Variants in MYO3B observed in about 807,000 individuals in gnomAD.
MYO3B encodes myosin IIIB, also known as myosin-IIIb.
Under a neutral mutation model 174.6 loss-of-function variants are expected in MYO3B, and 156 were observed. The ratio of observed to expected loss-of-function variants is 0.89; its 90% confidence interval spans 0.78 to 1.02. The LOEUF (loss-of-function observed/expected upper bound fraction) is 1.02, where lower values mean the gene tolerates loss of function less well. MYO3B is among the 50% of genes least tolerant of loss of function. The pLI, the probability that MYO3B is intolerant of heterozygous loss-of-function variation, is 0.00. For missense variants in MYO3B, 1,632 were observed against 1,639.4 expected, an observed-to-expected ratio of 1.00 and a Z score of 0.08; for synonymous variants, 563 against 569.1, an observed-to-expected ratio of 0.99 and a Z score of 0.15.
At chr2:170,479,901 CAT>C (rs1021449532) in intron 25 of MYO3B, among the ~76,000 whole-genome samples, 8 of 147,788 alleles carry the variant, frequency 5.4e-5, no homozygotes, top group African/African-American at 1.2e-4. Context: ...ATAGGTTTAA[CAT>C]ATTTTATAGG....
At chr2:170,341,710 C>T (rs1164337431) in intron 8 of MYO3B, among the ~76,000 whole-genome samples, 1 of 152,114 alleles carries the variant, frequency 6.6e-6, no homozygotes, top group African/African-American at 2.4e-5. Context: ...GATCAATATA[C>T]TTATAAATGC....
intron 32 of MYO3B, among the ~76,000 whole-genome samples, chr2:170,580,863 C>A (rs1266651751): frequency 6.6e-6 from 1 of 151,972 alleles, no homozygotes; most frequent in Non-Finnish European, 1.5e-5. Flanking sequence ...CAATATTTAT[C>A]ACGTTGATAC....
intron 32 of MYO3B, among the ~76,000 whole-genome samples, chr2:170,565,038 A>G (rs142763739): frequency 6.6e-6 from 1 of 152,334 alleles, no homozygotes; most frequent in African/African-American, 2.4e-5. Flanking sequence ...AGAAATTGAC[A>G]AAGAATTTTA....
intron 32 of MYO3B, among the ~76,000 whole-genome samples, chr2:170,628,582 A>G (rs1005421228): frequency 6.6e-6 from 1 of 152,142 alleles, no homozygotes; most frequent in Admixed American, 6.5e-5. Flanking sequence ...TGAACCCGGT[A>G]CCTCAGTTGG....
chr2:170,351,394 G>A (rs540619918), intron 8 of MYO3B, among the ~76,000 whole-genome samples: 1 of 152,126 alleles, frequency 6.6e-6, no homozygotes, highest in East Asian at 1.9e-4. Context: ...CATCGTCTGG[G>A]GTGATGCTGA....
At chr2:170,422,827 G>C (rs2094627366) in intron 22 of MYO3B, among the ~76,000 whole-genome samples, 1 of 151,858 alleles carries the variant, frequency 6.6e-6, no homozygotes, top group South Asian at 2.1e-4. Flanking sequence ...TTCAATAATA[G>C]ATCTTCATAT....
intron 6 of MYO3B, among the ~76,000 whole-genome samples, chr2:170,219,650 A>G (rs1257778117): frequency 2.0e-5 from 3 of 152,086 alleles, no homozygotes; most frequent in Non-Finnish European, 4.4e-5. Flanking sequence ...TCTCTCAAAA[A>G]AAAAAAAAAT....
chr2:170,625,861 G>C (rs1244910419), intron 32 of MYO3B, among the ~76,000 whole-genome samples: 1 of 152,226 alleles, frequency 6.6e-6, no homozygotes, highest in Admixed American at 6.5e-5. Flanking sequence ...TAGTTGAGCG[G>C]TTTTGAGTGA....
chr2:170,616,883 G>T (rs1330238935), intron 32 of MYO3B, among the ~76,000 whole-genome samples: 2 of 152,124 alleles, frequency 1.3e-5, no homozygotes, highest in Non-Finnish European at 2.9e-5. Context: ...CTTGTAAATG[G>T]CATTTTACTG....
At chr2:170,270,768 C>T (rs2093419861) in intron 7 of MYO3B, among the ~76,000 whole-genome samples, 2 of 152,066 alleles carry the variant, frequency 1.3e-5, no homozygotes, top group African/African-American at 2.4e-5. Flanking sequence ...AGGTGTGACC[C>T]CAGGGAAGAA....
chr2:170,582,278 T>A (rs1358718971), intron 32 of MYO3B, among the ~76,000 whole-genome samples: 1 of 152,102 alleles, frequency 6.6e-6, no homozygotes, highest in South Asian at 2.1e-4. Flanking sequence ...GCAAATGAAG[T>A]TAGTGTAACA....
chr2:170,431,141 T>G (rs2094705281), intron 22 of MYO3B, among the ~76,000 whole-genome samples: 1 of 152,134 alleles, frequency 6.6e-6, no homozygotes, highest in African/African-American at 2.4e-5. Context: ...ATTGGGTAGA[T>G]GTCAGTAGTA....
At chr2:170,392,282 G>A (rs894722831) in intron 15 of MYO3B, 99 bp from the exon 16 acceptor site, 41 of 731,374 alleles carry the variant, frequency 5.6e-5, no homozygotes, top group Non-Finnish European at 8.2e-5. Flanking sequence ...AACAGAGTGA[G>A]GTCCCATCTT....
At chr2:170,219,521 G>A (rs920483169) in intron 6 of MYO3B, among the ~76,000 whole-genome samples, 25 of 152,044 alleles carry the variant, frequency 1.6e-4, no homozygotes, top group African/African-American at 5.6e-4. Flanking sequence ...GTACACACCT[G>A]TAATTCCAGC....
At chr2:170,608,853 CTT>C (rs566880875) in intron 32 of MYO3B, among the ~76,000 whole-genome samples, 2 of 152,130 alleles carry the variant, frequency 1.3e-5, no homozygotes, top group Non-Finnish European at 2.9e-5. Flanking sequence ...ACAAGAAAGA[CTT>C]TTGTTTTCCA....
chr2:170,367,924 T>C (rs191229495), intron 8 of MYO3B, among the ~76,000 whole-genome samples: 1 of 152,326 alleles, frequency 6.6e-6, no homozygotes, highest in Non-Finnish European at 1.5e-5. Context: ...TAGGTTCCGT[T>C]GGCTTTTCTG....
At chr2:170,603,012 A>G (rs1205696254) in intron 32 of MYO3B, among the ~76,000 whole-genome samples, 1 of 152,122 alleles carries the variant, frequency 6.6e-6, no homozygotes, top group South Asian at 2.1e-4. Flanking sequence ...AGGTTGCAGT[A>G]AGCCAAGATC....
chr2:170,539,339 T>A (rs1179065676), intron 30 of MYO3B, among the ~76,000 whole-genome samples: 1 of 152,216 alleles, frequency 6.6e-6, no homozygotes, highest in Non-Finnish European at 1.5e-5. Context: ...TTAAGTTACA[T>A]GTTTTTGACC....
intron 7 of MYO3B, among the ~76,000 whole-genome samples, chr2:170,259,488 G>T (rs1382942855): frequency 1.3e-5 from 2 of 152,192 alleles, no homozygotes; most frequent in East Asian, 3.9e-4. Flanking sequence ...ATCGTGCTTG[G>T]ATAACTGGCT....
Sources: gnomAD v4.1 joint callset for allele counts (sites outside exome capture counted in the v4.1 genomes callset) on GRCh38, gnomAD v4.1.1 for gene constraint, MANE v1.5 for transcripts, NCBI Gene and HGNC (gene_info 2026-07-23, HGNC 2026-07-21) for gene names.